RBFOX1: variants seen among roughly 807,000 people sequenced by gnomAD.
RBFOX1 encodes the protein RNA binding fox-1 homolog 1.
RBFOX1 carries 8 observed loss-of-function variants against 57.7 expected under a neutral mutation model. The ratio of observed to expected loss-of-function variants is 0.14; its 90% CI spans 0.08 to 0.25. The LOEUF is 0.25. Among genes scored for constraint, RBFOX1 ranks in the 10% least tolerant of loss-of-function variants. RBFOX1 has a pLI of 1.00. For synonymous variants in RBFOX1, 326 were observed against 222.4 expected (o/e 1.47, Z -4.15); for missense variants, 611 against 548.5 (o/e 1.11, Z -1.14).
intron 4 of RBFOX1, among the ~76,000 whole-genome samples, chr16:5,967,420 C>T (rs1297132084): frequency 2.0e-5 from 3 of 152,066 alleles, no homozygotes; most frequent in Admixed American, 6.5e-5. Flanking sequence ...TTTCTTAACC[C>T]GGTATTGGAA....
chr16:6,639,182 G>A (rs917289789), intron 2 of RBFOX1, among the ~76,000 whole-genome samples: 1 of 152,316 alleles, frequency 6.6e-6, no homozygotes, highest in African/African-American at 2.4e-5. Context: ...TAGCTCTGTT[G>A]ACCTTCAGCT....
chr16:6,887,401 C>T (rs941651567), intron 3 of RBFOX1, among the ~76,000 whole-genome samples: 1 of 151,948 alleles, frequency 6.6e-6, no homozygotes, highest in Non-Finnish European at 1.5e-5. Context: ...TTCAAGAAGC[C>T]GAAAGGATAT....
At chr16:6,680,553 G>T (rs113228808) in intron 3 of RBFOX1, among the ~76,000 whole-genome samples, 1 of 152,188 alleles carries the variant, frequency 6.6e-6, no homozygotes, top group East Asian at 1.9e-4. Flanking sequence ...GTAAGCCACC[G>T]CGTCCGGCCC....
At chr16:5,562,956 A>T (rs1431461815) in intron 2 of RBFOX1, among the ~76,000 whole-genome samples, 1 of 151,990 alleles carries the variant, frequency 6.6e-6, no homozygotes, top group East Asian at 1.9e-4. Context: ...GGGCTGTATT[A>T]TTATTATTAT....
intron 3 of RBFOX1, among the ~76,000 whole-genome samples, chr16:6,776,868 A>G (rs1021161220): frequency 1.3e-5 from 2 of 152,248 alleles, no homozygotes; most frequent in African/African-American, 4.8e-5. Context: ...TGAAATGAAC[A>G]TGGCATGTGG....
intron 2 of RBFOX1, among the ~76,000 whole-genome samples, chr16:6,526,585 C>A (rs954419071): frequency 2.0e-5 from 3 of 151,952 alleles, no homozygotes; most frequent in African/African-American, 7.3e-5. Flanking sequence ...AATCCCAGCA[C>A]TTTGGGAGGT....
intron 4 of RBFOX1, among the ~76,000 whole-genome samples, chr16:7,212,440 A>C (rs1351670882): frequency 1.3e-5 from 2 of 152,180 alleles, no homozygotes; most frequent in Admixed American, 1.3e-4. Flanking sequence ...ATGAATAGGC[A>C]TACTTGTATC....
At chr16:5,589,144 TGC>T (rs2046927104) in intron 2 of RBFOX1, among the ~76,000 whole-genome samples, 1 of 152,206 alleles carries the variant, frequency 6.6e-6, no homozygotes, top group Admixed American at 6.5e-5. Context: ...TTCCCCAATC[TGC>T]TGGGTCCAGG....
intron 3 of RBFOX1, among the ~76,000 whole-genome samples, chr16:7,032,284 A>T (rs2043003262): frequency 1.3e-5 from 2 of 151,868 alleles, no homozygotes; most frequent in Non-Finnish European, 2.9e-5. Context: ...AACAAAAACA[A>T]AACAAAAAAA....
In RBFOX1 at chr16:5,345,672, CAGAAGCCATCTCTTTCCGATGCATGGG is replaced by C. The variant is rs1227408915; in HGVS notation, c.219+105598_219+105624del. 1.1e-4 allele frequency among the ~76,000 whole-genome samples: 17 copies of C among 152,298 alleles called. No homozygotes were observed. The South Asian group carries it at 1.2e-3, about 11-fold the overall frequency. On this transcript the variant is annotated intron_variant, in intron 1 of 2. Transcript: ENST00000585867. The stretch of plus-strand genomic sequence containing the variant: ...AAACACCCAGGAGCCACTTGCTGAG[CAGAAGCCATCTCTTTCCGATGCATGGG>C]AGAAGCCATCTCTTTCCGATGCATG...
intron 3 of RBFOX1, among the ~76,000 whole-genome samples, chr16:6,743,935 A>G (rs77467815): frequency 0.015 from 2,279 of 151,652 alleles, 56 homozygotes; most frequent in African/African-American, 0.053. Flanking sequence ...ATGATTTTCC[A>G]GTTTTTCATT....
At chr16:7,241,410 C>T (rs920022706) in intron 4 of RBFOX1, among the ~76,000 whole-genome samples, 1 of 152,146 alleles carries the variant, frequency 6.6e-6, no homozygotes, top group East Asian at 1.9e-4. Flanking sequence ...GTTCAATGGG[C>T]AAATTATGCA....
At chr16:7,689,499 G>C (rs1294039303) in intron 14 of RBFOX1, among the ~76,000 whole-genome samples, 1 of 152,084 alleles carries the variant, frequency 6.6e-6, no homozygotes, top group African/African-American at 2.4e-5. Context: ...AGGCAGGCCT[G>C]AGTTCTTATT....
chr16:5,935,114 C>T (rs2059141997), intron 4 of RBFOX1, among the ~76,000 whole-genome samples: 1 of 152,206 alleles, frequency 6.6e-6, no homozygotes, highest in African/African-American at 2.4e-5. Flanking sequence ...CTTTGCAAAC[C>T]TCCTGGCCTT....
chr16:6,843,729 T>C (rs2093615732), intron 3 of RBFOX1, among the ~76,000 whole-genome samples: 1 of 152,116 alleles, frequency 6.6e-6, no homozygotes. Context: ...TTACAGGTAG[T>C]TCCTTTTCAC....
At chr16:7,432,053 A>C (rs1385025262) in intron 4 of RBFOX1, among the ~76,000 whole-genome samples, 1 of 152,204 alleles carries the variant, frequency 6.6e-6, no homozygotes, top group Non-Finnish European at 1.5e-5. Context: ...CCCAGTGGGA[A>C]GGAGGGTGTC....
intron 2 of RBFOX1, among the ~76,000 whole-genome samples, chr16:5,543,519 G>T (rs371560081): frequency 6.6e-6 from 1 of 152,176 alleles, no homozygotes; most frequent in East Asian, 1.9e-4. Context: ...ATGAGAAAAA[G>T]AGAACAGCAT....
chr16:7,433,608 C>T (rs1013989654), intron 4 of RBFOX1, among the ~76,000 whole-genome samples: 4 of 152,200 alleles, frequency 2.6e-5, no homozygotes, highest in Non-Finnish European at 4.4e-5. Flanking sequence ...ACACTGACTT[C>T]ACGTGTTTGA....
At chr16:7,490,195 C>A (rs947238816) in intron 4 of RBFOX1, among the ~76,000 whole-genome samples, 4 of 152,184 alleles carry the variant, frequency 2.6e-5, no homozygotes, top group African/African-American at 7.2e-5. Context: ...CGTTTTCCCC[C>A]CCTTGTTCAA....
Sources: allele counts gnomAD v4.1 joint callset (sites outside exome capture counted in the v4.1 genomes callset), GRCh38; gene constraint gnomAD v4.1.1; transcripts MANE v1.5; gene names NCBI Gene and HGNC (gene_info 2026-07-23, HGNC 2026-07-21).